EP300: variants seen among roughly 807,000 people sequenced by gnomAD.
EP300 encodes EP300 lysine acetyltransferase.
A neutral mutation model predicts 264.0 loss-of-function variants in EP300; 31 were observed. The ratio of observed to expected loss-of-function variants is 0.12; its 90% CI spans 0.09 to 0.16. EP300 has a LOEUF of 0.16. Ranked by LOEUF, EP300 falls within the 10% of genes least tolerant of loss-of-function variation. EP300 has a pLI of 1.00. For missense variants in EP300, 2,766 were observed against 3,052.9 expected (o/e 0.91, Z 2.21); for synonymous variants, 1,340 against 1,045.4 (o/e 1.28, Z -5.44).
At chr22:41,100,887 T>C (rs994102164) in intron 1 of EP300, among the ~76,000 whole-genome samples, 2 of 152,052 alleles carry the variant, frequency 1.3e-5, no homozygotes, top group Non-Finnish European at 2.9e-5. Flanking sequence ...CACGTATATA[T>C]ATATCATATA....
intron 29 of EP300, 185 bp from the exon 30 acceptor site, chr22:41,176,062 A>T: frequency 1.5e-6 from 1 of 669,936 alleles, no homozygotes. Context: ...TCTACAAAAA[A>T]TGCAGAAATT....
Position 41,178,678 on chromosome 22 carries a change from C to A in EP300, c.6967C>A (p.Pro2323Thr). 1 of 1,614,200 alleles carries A rather than the reference C, an allele frequency of 6.2e-7. No homozygotes were observed. Among genetic ancestry groups the A allele is most frequent in the African/African-American group, 1.3e-5 (1 of 75,044 alleles). Residue 2323 changes from proline (P) to threonine (T), a missense_variant, in exon 31 of 31, where the codon CCC becomes ACC. By Grantham distance (38) the Pro-to-Thr change is conservative. Transcript: ENST00000263253. Reference protein sequence around the residue: ...VPSPRPQSQPPHSSPSPRMQP... With the variant: ...VPSPRPQSQPTHSSPSPRMQP... ...TTCTCCACGGCCACAGTCCCAGCCC[C>A]CCCACTCCAGTCCTTCCCCAAGGAT...
intron 2 of EP300, 61 bp from the exon 3 acceptor site, chr22:41,125,803 A>G (rs2145707215): frequency 6.5e-7 from 1 of 1,535,842 alleles, no homozygotes; most frequent in East Asian, 2.3e-5. Flanking sequence ...AAATCAGAAA[A>G]GGAATAATAA....
chr22:41,169,007 A>G, intron 25 of EP300, 140 bp downstream of exon 25: 1 of 1,224,832 alleles, frequency 8.2e-7, no homozygotes, highest in South Asian at 1.2e-5. Flanking sequence ...GTAATTTTAA[A>G]GTGAAACAGA....
intron 23 of EP300, among the ~76,000 whole-genome samples, chr22:41,167,272 C>T (rs2059139879): frequency 6.6e-6 from 1 of 151,928 alleles, no homozygotes. Context: ...ACTGGGATTA[C>T]AGGCGTGAAC....
chr22:41,152,905 A>T (rs919841726), intron 16 of EP300, among the ~76,000 whole-genome samples: 3 of 151,994 alleles, frequency 2.0e-5, no homozygotes, highest in Non-Finnish European at 4.4e-5. Context: ...CTGCATGCGC[A>T]TGCCACCATG....
chr22:41,157,133 G>A (rs780729450), intron 17 of EP300, 36 bp from the exon 18 acceptor site: 30 of 1,613,356 alleles, frequency 1.9e-5, no homozygotes, highest in Non-Finnish European at 2.5e-5. Flanking sequence ...AAAATAGTGA[G>A]ACTTGAGTAA....
chr22:41,130,390 C>T (rs1435650240), intron 5 of EP300, among the ~76,000 whole-genome samples: 1 of 151,898 alleles, frequency 6.6e-6, no homozygotes, highest in Non-Finnish European at 1.5e-5. Flanking sequence ...TTGTATCTTC[C>T]AAAAACTTTA....
intron 1 of EP300, 55 bp downstream of exon 1, chr22:41,093,153 G>GCC: frequency 6.5e-7 from 1 of 1,548,458 alleles, no homozygotes; most frequent in Non-Finnish European, 8.9e-7. Flanking sequence ...TCTACTCGGT[G>GCC]CGCCTTTATT....
chr22:41,177,822 T>C lies in EP300; in HGVS notation c.6111T>C (p.Gly2037=). ...MAPQPGLGQV[G]ISPLKPGTVS... is the part of the protein sequence containing the mutation. ...CACAACCAGGATTGGGCCAGGTAGG[T>C]ATCAGCCCACTCAAACCAGGCACTG... Residue 2037 remains glycine (G), a synonymous_variant, in exon 31 of 31, where the codon GGT becomes GGC. Coordinates refer to ENST00000263253, the MANE Select transcript of EP300 (RefSeq NM_001429.4). 1 of 1,614,016 alleles carries C rather than the reference T, an allele frequency of 6.2e-7. No homozygotes were observed. The highest frequency in any genetic ancestry group is 8.5e-7 in the Non-Finnish European group (1 of 1,179,976).
In EP300 at chr22:41,152,191, T is replaced by A. The variant is rs1569108556; in HGVS notation, c.2998-15T>A. 2.5e-6 allele frequency: 4 copies of A among 1,613,624 alleles called. No homozygotes were observed. Among genetic ancestry groups the A allele is most frequent in the Non-Finnish European group, 3.4e-6 (4 of 1,179,534 alleles). On this transcript the variant is annotated splice_polypyrimidine_tract_variant and intron_variant, in intron 15 of 30. Transcript: ENST00000263253. ...ATATCTTTGGAATACTAAAAATTCT[T>A]ACGTTTTCTTTTAGTCTAAAGTGGA...
intron 14 of EP300, among the ~76,000 whole-genome samples, chr22:41,150,617 G>A (rs747970167): frequency 3.3e-5 from 5 of 152,042 alleles, no homozygotes; most frequent in South Asian, 4.1e-4. Context: ...GGACGGGCGC[G>A]GTGGTGTACA....
chr22:41,109,596 A>G (rs985357136), intron 1 of EP300, among the ~76,000 whole-genome samples: 1 of 152,214 alleles, frequency 6.6e-6, no homozygotes, highest in African/African-American at 2.4e-5. Flanking sequence ...TATAGTGCTT[A>G]GTGTGTGCCA....
At position 41,169,706 on chromosome 22, in the gene EP300, G is replaced by T. The variant is rs576807103; in HGVS notation, c.4286+90G>T. 24 of 799,082 alleles carry T rather than the reference G, an allele frequency of 3.0e-5. No homozygotes were observed. The South Asian group carries it at 3.5e-4, about 11-fold the overall frequency. 49.5% of individuals were successfully genotyped at this position (799,082 alleles called of 1,614,324 possible). A position where few individuals can be genotyped will look rare whatever the true frequency, so the allele number is the denominator to read the frequency against. ...TAAATATGCAAATATATAACTCTTG[G>T]CCTTTTTTTCCTCATTTTAGTTCTT... is the stretch of plus-strand genomic sequence containing the variant. On this transcript the variant is annotated intron_variant, in intron 26 of 30. Coordinates refer to ENST00000263253, the MANE Select transcript of EP300 (RefSeq NM_001429.4).
Position 41,131,617 on chromosome 22 carries a change from G to A in EP300, c.1512G>A (p.Arg504=), listed in dbSNP as rs751066863. The A allele has an allele frequency of 6.2e-7, 1 of 1,614,120 alleles. No individual in the cohort carries two copies. The highest frequency in any genetic ancestry group is 8.5e-7 in the Non-Finnish European group (1 of 1,180,034). Residue 504 remains arginine (R), a synonymous_variant, in exon 6 of 31, where the codon CGG becomes CGA. Transcript: ENST00000263253. The part of the protein sequence containing the change: ...QQPGQSPQGM[R]PMSNMSASPM... ...CTGGGCAGTCTCCCCAAGGCATGCG[G>A]CCCATGAGCAACATGAGTAAGTTTG...
Position 41,163,254 on chromosome 22 carries a change from T to C in EP300, c.3728+475T>C, listed in dbSNP as rs372238543. Among the ~76,000 whole-genome samples the C allele has an allele frequency of 1.5e-3, 213 of 142,156 alleles. 4 individuals carry two copies. The East Asian group carries it at 0.042, about 28-fold the overall frequency. 93.3% of individuals were successfully genotyped at this position (142,156 alleles called of 152,430 possible). ...ATCGAGACCATCCCGGCTAAAACGGTGAAACCCCGTCTCTACTAAAAATAC... is the reference window on the plus strand; with the variant it reads ...ATCGAGACCATCCCGGCTAAAACGGCGAAACCCCGTCTCTACTAAAAATAC... On this transcript the variant is annotated intron_variant, in intron 21 of 30. Coordinates refer to ENST00000263253, the MANE Select transcript of EP300 (RefSeq NM_001429.4).
intron 16 of EP300, among the ~76,000 whole-genome samples, chr22:41,154,657 T>C (rs1255073725): frequency 6.6e-6 from 1 of 152,138 alleles, no homozygotes; most frequent in Non-Finnish European, 1.5e-5. Context: ...CCATGGACTC[T>C]TATTTGGCAA....
chr22:41,095,302 C>T (rs1325509020), intron 1 of EP300, among the ~76,000 whole-genome samples: 1 of 128,718 alleles, frequency 7.8e-6, no homozygotes, highest in African/African-American at 3.0e-5. Context: ...TGCAGTGGTG[C>T]GATCTCACTA....
At chr22:41,118,460 A>G (rs1250613710) in intron 2 of EP300, among the ~76,000 whole-genome samples, 2 of 152,142 alleles carry the variant, frequency 1.3e-5, no homozygotes, top group Admixed American at 1.3e-4. Context: ...ATTTCTTCAT[A>G]TTTTTCTTTA....
Sources: allele counts gnomAD v4.1 joint callset (sites outside exome capture counted in the v4.1 genomes callset), GRCh38; gene constraint gnomAD v4.1.1; transcripts MANE v1.5; gene names NCBI Gene and HGNC (gene_info 2026-07-23, HGNC 2026-07-21).